MTAP: variants seen among roughly 807,000 people sequenced by gnomAD.
MTAP encodes the protein methylthioadenosine phosphorylase.
In MTAP, 33 loss-of-function variants were observed where a neutral mutation model predicts 33.6. The ratio of observed to expected loss-of-function variants is 0.98; its 90% CI spans 0.74 to 1.31. MTAP has a LOEUF of 1.31. MTAP is among the 40% of genes most tolerant of loss of function. MTAP has a pLI of 0.00. For synonymous variants in MTAP, 148 were observed against 125.7 expected (o/e 1.18, Z -1.19); for missense variants, 367 against 360.0 (o/e 1.02, Z -0.16).
chr9:21,930,754 T>C, intron 1 of MTAP: 2 of 702,350 alleles, frequency 2.8e-6, no homozygotes, highest in Non-Finnish European at 5.0e-6. Flanking sequence ...TGTTTAGCTT[T>C]AGATGAAAAA....
intron 6 of MTAP, chr9:21,856,175 T>C (rs1379471064): frequency 4.1e-6 from 4 of 985,280 alleles, no homozygotes; most frequent in African/African-American, 1.7e-5. Flanking sequence ...CTGCAGTCAC[T>C]TTTGAAGTAA....
chr9:21,890,583 T>C (rs113443052), intron 1 of MTAP, among the ~76,000 whole-genome samples: 61 of 152,276 alleles, frequency 4.0e-4, no homozygotes, highest in African/African-American at 1.4e-3. Flanking sequence ...TGAGAAAAAG[T>C]CAGAAATGGC....
chr9:21,931,386 A>G, downstream of MTAP: 1 of 500,068 alleles, frequency 2.0e-6, no homozygotes. Flanking sequence ...TAGGAATGTC[A>G]GGTGAGCATC....
chr9:21,823,064 G>C (rs1224544519), intron 4 of MTAP, among the ~76,000 whole-genome samples: 2 of 152,178 alleles, frequency 1.3e-5, no homozygotes, highest in South Asian at 4.2e-4. Flanking sequence ...CACACTGATG[G>C]GTCTTGACTC....
chr9:21,895,353 C>T (rs149066468), intron 1 of MTAP, among the ~76,000 whole-genome samples: 2 of 152,122 alleles, frequency 1.3e-5, no homozygotes, highest in East Asian at 3.8e-4. Context: ...AAGAACTGCC[C>T]CAAGGTTCCA....
chr9:21,856,476 A>T (rs181287952), intron 6 of MTAP, among the ~76,000 whole-genome samples: 2 of 152,314 alleles, frequency 1.3e-5, no homozygotes, highest in East Asian at 3.9e-4. Flanking sequence ...AACCTAAGGA[A>T]CAACTCAGCC....
At chr9:21,869,701 T>G (rs1825908543), downstream of MTAP, among the ~76,000 whole-genome samples, 1 of 152,102 alleles carries the variant, frequency 6.6e-6, no homozygotes. Context: ...AAAAATTTAT[T>G]TACCATCCAA....
chr9:21,889,063 C>G (rs1398400883), intron 1 of MTAP, among the ~76,000 whole-genome samples: 1 of 151,964 alleles, frequency 6.6e-6, no homozygotes, highest in Admixed American at 6.6e-5. Context: ...TGATTATTTC[C>G]TCAAATAAAT....
At chr9:21,821,890 C>G (rs1210268788) in intron 4 of MTAP, among the ~76,000 whole-genome samples, 1 of 152,184 alleles carries the variant, frequency 6.6e-6, no homozygotes, top group African/African-American at 2.4e-5. Flanking sequence ...TTATCCATTT[C>G]TTCTAGATTT....
Position 21,843,424 on chromosome 9 carries a change from A to G in MTAP, c.450+5414A>G, listed in dbSNP as rs547233964. On this transcript the variant is annotated intron_variant, in intron 5 of 7. Transcript: ENST00000644715. Reference sequence around the variant, plus strand: ...CCTAGAACAAATGGACTTAACAAATATATATACCCAACAACTGCAGAATAT... The same window carrying G: ...CCTAGAACAAATGGACTTAACAAATGTATATACCCAACAACTGCAGAATAT... Among the ~76,000 whole-genome samples the G allele has an allele frequency of 1.1e-4, 16 of 152,214 alleles. 2 individuals carry two copies. The South Asian group carries it at 3.1e-3, about 30-fold the overall frequency.
chr9:21,926,144 C>T (rs960365555), intron 1 of MTAP, among the ~76,000 whole-genome samples: 3 of 152,066 alleles, frequency 2.0e-5, no homozygotes, highest in Non-Finnish European at 4.4e-5. Context: ...GTCTGGGGCT[C>T]AAGAATATCA....
chr9:21,861,276 T>G (rs113246950), intron 7 of MTAP: 35 of 152,310 alleles, frequency 2.3e-4, no homozygotes, highest in Middle Eastern at 3.4e-3. Flanking sequence ...GAGGCTTAGT[T>G]TACGTAGCTT....
chr9:21,835,340 ACTT>A (rs939331021), intron 4 of MTAP, among the ~76,000 whole-genome samples: 1 of 152,204 alleles, frequency 6.6e-6, no homozygotes, highest in African/African-American at 2.4e-5. Flanking sequence ...CGAAGAAAGA[ACTT>A]AAAGAAGCTG....
At chr9:21,857,662 C>T (rs1006605188) in intron 6 of MTAP, among the ~76,000 whole-genome samples, 23 of 152,326 alleles carry the variant, frequency 1.5e-4, no homozygotes, top group Middle Eastern at 3.4e-3. Flanking sequence ...ATTATATTAA[C>T]TTACAACCAA....
chr9:21,839,169 C>G (rs1825182030), intron 5 of MTAP, among the ~76,000 whole-genome samples: 1 of 133,614 alleles, frequency 7.5e-6, no homozygotes, highest in Non-Finnish European at 1.5e-5. Context: ...ACGTCTTTTA[C>G]TTGGTTTTTT....
chr9:21,920,553 T>G (rs1422582431), intron 1 of MTAP, among the ~76,000 whole-genome samples: 1 of 152,198 alleles, frequency 6.6e-6, no homozygotes, highest in Non-Finnish European at 1.5e-5. Context: ...AGTGCAATTA[T>G]GCAAACCCAT....
intron 2 of MTAP, among the ~76,000 whole-genome samples, chr9:21,816,248 G>T (rs1376171544): frequency 6.6e-6 from 1 of 152,058 alleles, no homozygotes; most frequent in Non-Finnish European, 1.5e-5. Context: ...CGGTTCTAAG[G>T]GTCTTTCCAG....
chr9:21,823,959 A>G (rs912267864), intron 4 of MTAP, among the ~76,000 whole-genome samples: 1 of 152,218 alleles, frequency 6.6e-6, no homozygotes, highest in Non-Finnish European at 1.5e-5. Flanking sequence ...CAGCTCCATC[A>G]GGTCATTTAA....
At chr9:21,830,218 A>T (rs1824932995) in intron 4 of MTAP, among the ~76,000 whole-genome samples, 1 of 152,142 alleles carries the variant, frequency 6.6e-6, no homozygotes, top group African/African-American at 2.4e-5. Flanking sequence ...TATATTTTTC[A>T]TTTTCCCGTT....
Sources: allele counts gnomAD v4.1 joint callset (sites outside exome capture counted in the v4.1 genomes callset), GRCh38; gene constraint gnomAD v4.1.1; transcripts MANE v1.5; gene names NCBI Gene and HGNC (gene_info 2026-07-23, HGNC 2026-07-21).